The following AKT2 variants were observed in gnomAD, a reference collection of about 807,000 sequenced individuals.
AKT2 encodes the protein RAC-beta serine/threonine-protein kinase.
In AKT2, 16 loss-of-function variants were observed where a neutral mutation model predicts 58.6. The ratio of observed to expected loss-of-function variants is 0.27; its 90% CI spans 0.18 to 0.41. AKT2 has a LOEUF of 0.41. AKT2 is among the 10% of genes least tolerant of loss of function. The pLI is 1.00. For missense variants in AKT2, 438 were observed against 661.0 expected (o/e 0.66, Z 3.70); for synonymous variants, 253 against 254.0 (o/e 1.00, Z 0.04).
Position 40,230,320 on chromosome 19 carries a change from A to C in AKT2, c.*3552T>G. 4.8e-6 allele frequency: 1 copy of C among 209,388 alleles called. No individual in the cohort carries two copies. Among genetic ancestry groups the C allele is most frequent in the Non-Finnish European group, 9.7e-6 (1 of 103,000 alleles). The allele number at this position is 209,388 out of a possible 1,614,324, so 13.0% of individuals were successfully genotyped here. On this transcript the variant is annotated 3_prime_UTR_variant, in exon 14 of 14. Coordinates refer to ENST00000392038, the MANE Select transcript of AKT2 (RefSeq NM_001626.6). ...ACAAACAAAAGCACCAGCACAGTACAGATGGATAGCTAGTTTATTACAGGA... is the reference window on the plus strand; with the variant it reads ...ACAAACAAAAGCACCAGCACAGTACCGATGGATAGCTAGTTTATTACAGGA...
chr19:40,245,016 CTTGAT>C (rs973091708), intron 4 of AKT2, among the ~76,000 whole-genome samples: 1 of 152,226 alleles, frequency 6.6e-6, no homozygotes, highest in Admixed American at 6.5e-5. Flanking sequence ...TGGGGTCTGT[CTTGAT>C]TTAACTGGGC....
rs895420165 is a variant in AKT2, at chr19:40,232,002, C to G, written c.*1870G>C. ...CATTCAGTGACAGCACAGGCACCCT[C>G]CTCATTCTGGGCTACCCAGATCTTC... On this transcript the variant is annotated 3_prime_UTR_variant, in exon 14 of 14. Transcript: ENST00000392038. The G allele has an allele frequency of 4.3e-6, 1 of 233,520 alleles. No individual in the cohort carries two copies. Among genetic ancestry groups the G allele is most frequent in the African/African-American group, 2.2e-5 (1 of 45,336 alleles). The allele number at this position is 233,520 out of a possible 1,614,324, so 14.5% of individuals were successfully genotyped here. A position where few individuals can be genotyped will look rare whatever the true frequency, so the allele number is the denominator to read the frequency against.
At chr19:40,261,228 G>T (rs1306050762) in intron 2 of AKT2, among the ~76,000 whole-genome samples, 1 of 152,196 alleles carries the variant, frequency 6.6e-6, no homozygotes, top group East Asian at 1.9e-4. Context: ...CACAGAGTGG[G>T]TTCCTTATAA....
intron 1 of AKT2, among the ~76,000 whole-genome samples, chr19:40,278,487 C>T (rs11668051): frequency 1.3e-5 from 2 of 152,180 alleles, no homozygotes; most frequent in South Asian, 2.1e-4. Flanking sequence ...AGTGCTAACA[C>T]TGCCCACCTC....
chr19:40,278,469 G>C (rs73933238), intron 1 of AKT2, among the ~76,000 whole-genome samples: 1 of 151,932 alleles, frequency 6.6e-6, no homozygotes, highest in South Asian at 2.1e-4. Flanking sequence ...TCCTATCTAC[G>C]AGATGGGAGT....
chr19:40,284,456 G>C (rs1033604079), intron 1 of AKT2, among the ~76,000 whole-genome samples: 1 of 152,140 alleles, frequency 6.6e-6, no homozygotes, highest in Non-Finnish European at 1.5e-5. Context: ...AAGCACCCCA[G>C]TAACCATGAC....
intron 1 of AKT2, chr19:40,282,423 GTCT>G (rs942616020): frequency 4.8e-5 from 22 of 459,094 alleles, no homozygotes; most frequent in Admixed American, 7.2e-5. Context: ...CTCTCTTGCT[GTCT>G]TCTTCTCCCA....
intron 4 of AKT2, among the ~76,000 whole-genome samples, chr19:40,248,168 G>A (rs1974877135): frequency 6.6e-6 from 1 of 152,220 alleles, no homozygotes; most frequent in African/African-American, 2.4e-5. Flanking sequence ...GCAACACTGG[G>A]CAGGTTGTAT....
chr19:40,259,397 G>C (rs1021577836), intron 2 of AKT2, among the ~76,000 whole-genome samples: 1 of 152,136 alleles, frequency 6.6e-6, no homozygotes, highest in Non-Finnish European at 1.5e-5. Context: ...ACATTCTTTT[G>C]TGATATCCTA....
chr19:40,264,292 G>C (rs1045052131), intron 2 of AKT2, among the ~76,000 whole-genome samples: 16 of 152,170 alleles, frequency 1.1e-4, no homozygotes, highest in Admixed American at 6.5e-5. Context: ...CTGCCTCCCA[G>C]TCTTGCGTGG....
At chr19:40,250,012 G>A (rs559714994) in intron 4 of AKT2, among the ~76,000 whole-genome samples, 4 of 152,282 alleles carry the variant, frequency 2.6e-5, no homozygotes, top group South Asian at 2.1e-4. Context: ...TGAGGCCCTC[G>A]GGCAAGAGAT....
Position 40,285,288 on chromosome 19 carries a change from G to C in AKT2, c.-192C>G. 2.5e-6 allele frequency: 1 copy of C among 394,968 alleles called. No homozygotes were observed. Among genetic ancestry groups the C allele is most frequent in the Non-Finnish European group, 4.5e-6 (1 of 223,800 alleles). 24.5% of individuals were successfully genotyped at this position (394,968 alleles called of 1,614,324 possible). A position where few individuals can be genotyped will look rare whatever the true frequency, so the allele number is the denominator to read the frequency against. ...TTTCCCGGCAGCGGCAACGGCGCCGGCAGCGGCAGCGGCGGCGGCGACGCC... is the reference window on the plus strand; with the variant it reads ...TTTCCCGGCAGCGGCAACGGCGCCGCCAGCGGCAGCGGCGGCGGCGACGCC... On this transcript the variant is annotated 5_prime_UTR_variant, in exon 1 of 14. Transcript: ENST00000392038.
chr19:40,247,818 C>G (rs1221550992), intron 4 of AKT2, among the ~76,000 whole-genome samples: 1 of 152,176 alleles, frequency 6.6e-6, no homozygotes, highest in African/African-American at 2.4e-5. Flanking sequence ...GACCGAAGCA[C>G]AGAGAGGCTC....
At chr19:40,246,707 A>G (rs1250699161) in intron 4 of AKT2, among the ~76,000 whole-genome samples, 1 of 152,196 alleles carries the variant, frequency 6.6e-6, no homozygotes, top group Non-Finnish European at 1.5e-5. Flanking sequence ...TGTGGAGAGA[A>G]CCCAAATACA....
At chr19:40,276,931 G>C (rs868783925) in intron 1 of AKT2, among the ~76,000 whole-genome samples, 2 of 152,210 alleles carry the variant, frequency 1.3e-5, no homozygotes, top group Non-Finnish European at 2.9e-5. Context: ...GCTGAGGTGG[G>C]AGGACCACTT....
At chr19:40,277,829 G>T (rs2077354146) in intron 1 of AKT2, among the ~76,000 whole-genome samples, 1 of 152,172 alleles carries the variant, frequency 6.6e-6, no homozygotes, top group Non-Finnish European at 1.5e-5. Flanking sequence ...ATCGCATCCA[G>T]AACTACACGT....
intron 4 of AKT2, chr19:40,244,089 T>TAATAAA (rs1555769865): frequency 4.9e-5 from 7 of 141,662 alleles, no homozygotes; most frequent in Non-Finnish European, 7.6e-5. Context: ...ATAATAATAA[T>TAATAAA]AATAAAATAA....
intron 3 of AKT2, among the ~76,000 whole-genome samples, chr19:40,255,733 G>C (rs1320426032): frequency 6.6e-6 from 1 of 152,242 alleles, no homozygotes; most frequent in Non-Finnish European, 1.5e-5. Context: ...AGACAGCCCT[G>C]GAGAGGTGGG....
At chr19:40,244,523 A>G (rs1395325605) in intron 4 of AKT2, 1 of 152,238 alleles carries the variant, frequency 6.6e-6, no homozygotes, top group Non-Finnish European at 1.5e-5. Flanking sequence ...GAATTACACC[A>G]AATTGTCCAC....
Sources: gnomAD v4.1 joint callset for allele counts (sites outside exome capture counted in the v4.1 genomes callset) on GRCh38, gnomAD v4.1.1 for gene constraint, MANE v1.5 for transcripts, NCBI Gene and HGNC (gene_info 2026-07-23, HGNC 2026-07-21) for gene names.